Variants in SNAPC5 observed in about 807,000 individuals in gnomAD.
SNAPC5 encodes the protein snRNA-activating protein complex subunit 5.
SNAPC5 carries 12 observed loss-of-function variants against 9.1 expected under a neutral mutation model. That is an observed-to-expected ratio of 1.32 (90% CI 0.85 to 2.15). The LOEUF (loss-of-function observed/expected upper bound fraction) is 2.15, where lower values mean the gene tolerates loss of function less well. Ranked by LOEUF, SNAPC5 falls within the 30% of genes most tolerant of loss-of-function variation. The pLI, the probability that SNAPC5 is intolerant of heterozygous loss-of-function variation, is 0.00. For synonymous variants in SNAPC5, 52 were observed against 47.3 expected (o/e 1.10, Z -0.41); for missense variants, 132 against 114.4 (o/e 1.15, Z -0.70).
At chr15:66,490,672 T>C (rs978417415), downstream of SNAPC5, 3 of 1,263,132 alleles carry the variant, frequency 2.4e-6, no homozygotes, top group Admixed American at 3.4e-5. Context: ...CATGTCGCTT[T>C]TGGGCCTCCT....
downstream of SNAPC5, chr15:66,489,908 C>G (rs919052153): frequency 1.3e-6 from 1 of 779,736 alleles, no homozygotes. Context: ...TACCAAACAC[C>G]AGTCTCCTTT....
rs569131026 is a variant in SNAPC5, at chr15:66,495,570, G to A, written c.91-151C>T. ...TCTAGAGGGAAAGTTGAGGGGGTAG[G>A]CTCTTAGGTTTTCTCTCTTTTAAGG... On this transcript the variant is annotated intron_variant, in intron 1 of 2. Coordinates refer to ENST00000316634, the MANE Select transcript of SNAPC5 (RefSeq NM_001329615.2). 4.9e-6 allele frequency: 3 copies of A among 607,932 alleles called. No individual in the cohort carries two copies. The Admixed American group carries it at 8.3e-5, about 17-fold the overall frequency. 37.7% of individuals were successfully genotyped at this position (607,932 alleles called of 1,614,324 possible). A position where few individuals can be genotyped will look rare whatever the true frequency, so the allele number is the denominator to read the frequency against.
intron 2 of SNAPC5, 96 bp downstream of exon 2, chr15:66,495,234 G>C: frequency 1.2e-6 from 1 of 831,956 alleles, no homozygotes; most frequent in African/African-American, 1.7e-5. Context: ...CTTTGGGCTA[G>C]GTAATGTGAT....
chr15:66,495,050 C>A, intron 2 of SNAPC5: 1 of 445,084 alleles, frequency 2.2e-6, no homozygotes, highest in Non-Finnish European at 4.1e-6. Context: ...CAAAAATCTC[C>A]ACTCTCCCCC....
downstream of SNAPC5, chr15:66,490,959 C>A (rs1178109937): frequency 1.8e-5 from 8 of 441,046 alleles, no homozygotes; most frequent in Admixed American, 3.1e-4. Flanking sequence ...GACTGGCTGT[C>A]TGCCTGTATT....
intron 1 of SNAPC5, among the ~76,000 whole-genome samples, chr15:66,496,050 G>A (rs928130325): frequency 2.0e-5 from 3 of 151,894 alleles, no homozygotes; most frequent in Non-Finnish European, 4.4e-5. Flanking sequence ...GTGAAACCCC[G>A]TCTCTACTAA....
intron 1 of SNAPC5, among the ~76,000 whole-genome samples, chr15:66,495,950 CG>C (rs1567031345): frequency 6.6e-6 from 1 of 152,136 alleles, no homozygotes; most frequent in African/African-American, 2.4e-5. Context: ...AGGCCGGGCG[CG>C]GTGGCTCACG....
At chr15:66,495,196 A>T in intron 2 of SNAPC5, 134 bp downstream of exon 2, 1 of 721,976 alleles carries the variant, frequency 1.4e-6, no homozygotes, top group South Asian at 1.5e-5. Flanking sequence ...ATTAAACCAG[A>T]AAACTGTTAT....
At chr15:66,495,146 C>T in intron 2 of SNAPC5, 184 bp downstream of exon 2, 1 of 624,808 alleles carries the variant, frequency 1.6e-6, no homozygotes, top group African/African-American at 1.8e-5. Context: ...TAGTGTATAA[C>T]TAGCTGGTAG....
At chr15:66,495,277 G>C (rs140836344) in intron 2 of SNAPC5, 53 bp downstream of exon 2, 3 of 1,027,440 alleles carry the variant, frequency 2.9e-6, no homozygotes, top group East Asian at 4.7e-5. Context: ...AAGCAGCATG[G>C]GAGCAGAGCA....
downstream of SNAPC5, chr15:66,490,808 T>C (rs941519942): frequency 9.0e-6 from 6 of 665,956 alleles, no homozygotes; most frequent in African/African-American, 8.9e-5. Context: ...ACTATTATTG[T>C]TCCCCTAAGT....
intron 1 of SNAPC5, among the ~76,000 whole-genome samples, chr15:66,496,685 G>C (rs1190592542): frequency 4.0e-5 from 6 of 151,636 alleles, no homozygotes; most frequent in African/African-American, 1.5e-4. Flanking sequence ...ACCACGCTCA[G>C]CTAATTTTAA....
chr15:66,489,865 C>T (rs762454611), downstream of SNAPC5: 49 of 983,286 alleles, frequency 5.0e-5, no homozygotes, highest in Admixed American at 3.2e-4. Context: ...ATTCCCTGCC[C>T]ACTGTGGTCC....
At chr15:66,491,873 T>C (rs898439558), downstream of SNAPC5, 1 of 438,554 alleles carries the variant, frequency 2.3e-6, no homozygotes, top group African/African-American at 2.1e-5. Flanking sequence ...CTGAGAAAAA[T>C]GACAAAACAT....
chr15:66,492,274 T>A (rs1893280393), downstream of SNAPC5: 1 of 273,348 alleles, frequency 3.7e-6, no homozygotes, highest in African/African-American at 2.3e-5. Flanking sequence ...CCAACATATA[T>A]ATTTATAAAT....
At chr15:66,491,682 T>C (rs2140690801), downstream of SNAPC5, 1 of 286,072 alleles carries the variant, frequency 3.5e-6, no homozygotes, top group Admixed American at 4.9e-5. Context: ...GTTCAGTGCT[T>C]TGGACTAATG....
chr15:66,497,600 C>T (rs778168945), intron 1 of SNAPC5, 42 bp downstream of exon 1: 25 of 1,572,282 alleles, frequency 1.6e-5, no homozygotes, highest in Non-Finnish European at 2.2e-5. Flanking sequence ...AATGGTCGCT[C>T]GGGAGGAATG....
downstream of SNAPC5, chr15:66,491,711 A>G (rs537945482): frequency 4.2e-5 from 13 of 305,996 alleles, no homozygotes; most frequent in South Asian, 1.7e-4. Flanking sequence ...TGTAATTTCA[A>G]TCTCTGGACT....
chr15:66,492,725 C>T (rs1893296009), downstream of SNAPC5, among the ~76,000 whole-genome samples: 1 of 151,878 alleles, frequency 6.6e-6, no homozygotes, highest in African/African-American at 2.4e-5. Context: ...GAATTATGAT[C>T]CCCGCATGAA....
Sources: gnomAD v4.1 joint callset for allele counts (sites outside exome capture counted in the v4.1 genomes callset) on GRCh38, gnomAD v4.1.1 for gene constraint, MANE v1.5 for transcripts, NCBI Gene and HGNC (gene_info 2026-07-23, HGNC 2026-07-21) for gene names.